The following PGM2 variants were observed in gnomAD, a reference collection of about 807,000 sequenced individuals.
PGM2 encodes the protein phosphoglucomutase 2, also known as phosphopentomutase.
A neutral mutation model predicts 74.6 loss-of-function variants in PGM2; 57 were observed. The observed-to-expected ratio is 0.76, with a 90% CI of 0.62 to 0.95. PGM2 has a LOEUF of 0.95. PGM2 is among the 40% of genes least tolerant of loss of function. The pLI is 0.00. For missense variants in PGM2, 706 were observed against 741.9 expected (o/e 0.95, Z 0.56); for synonymous variants, 273 against 260.7 (o/e 1.05, Z -0.46).
At chr4:37,826,935 C>G (rs961122629) in intron 1 of PGM2, 122 bp downstream of exon 1, 1 of 632,306 alleles carries the variant, frequency 1.6e-6, no homozygotes, top group Non-Finnish European at 2.7e-6. Flanking sequence ...GCTTCTCCCC[C>G]GGGAAGACCC....
intron 10 of PGM2, among the ~76,000 whole-genome samples, chr4:37,847,769 A>G (rs1184243561): frequency 6.6e-6 from 1 of 152,256 alleles, no homozygotes; most frequent in Non-Finnish European, 1.5e-5. Context: ...AGCCAGAATG[A>G]CAGAAAAACC....
intron 2 of PGM2, among the ~76,000 whole-genome samples, chr4:37,833,282 A>C (rs1366034991): frequency 6.6e-6 from 1 of 152,232 alleles, no homozygotes; most frequent in Non-Finnish European, 1.5e-5. Flanking sequence ...TGGCTTGGAC[A>C]TGGTGGCTCA....
chr4:37,851,622 C>T (rs6838455), intron 12 of PGM2, among the ~76,000 whole-genome samples: 80,784 of 151,876 alleles, frequency 0.53, 22,138 homozygotes, highest in Non-Finnish European at 0.61. Flanking sequence ...AAAACGCTTA[C>T]GATGAAACGT....
intron 6 of PGM2, among the ~76,000 whole-genome samples, chr4:37,843,171 A>G (rs1264633718): frequency 6.6e-6 from 1 of 152,148 alleles, no homozygotes. Flanking sequence ...TTCATCTCCC[A>G]TTTCAAATTA....
At chr4:37,839,502 A>T (rs1577675351) in intron 4 of PGM2, 4 of 472,478 alleles carry the variant, frequency 8.5e-6, no homozygotes, top group South Asian at 6.2e-5. Context: ...CTGAATCCAC[A>T]AACTTCTGTC....
chr4:37,829,161 A>G (rs748207887), intron 1 of PGM2, among the ~76,000 whole-genome samples: 51 of 152,006 alleles, frequency 3.4e-4, no homozygotes, highest in Middle Eastern at 3.4e-3. Context: ...TTCTCCAACC[A>G]TAACATTTTC....
intron 3 of PGM2, among the ~76,000 whole-genome samples, chr4:37,835,416 A>G (rs1306082365): frequency 6.6e-6 from 1 of 152,210 alleles, no homozygotes; most frequent in African/African-American, 2.4e-5. Flanking sequence ...CATGAAGCAG[A>G]GAAACATCCA....
At position 37,852,133 on chromosome 4, in the gene PGM2, CTTTTT is replaced by C. The variant is rs778968323; in HGVS notation, c.1602+1782_1602+1786del. Among the ~76,000 whole-genome samples, 283 of 47,270 alleles carry C rather than the reference CTTTTT, an allele frequency of 6.0e-3. 1 individual carries two copies. The highest frequency in any genetic ancestry group is 0.02 in the African/African-American group (247 of 12,402). The allele number at this position is 47,270 out of a possible 152,430, so 31.0% of individuals were successfully genotyped here. ...CAAGGGTATGCCATCATGCCCAGCT[CTTTTT>C]TTTTTTTTTTTTTTTTTTTTTGGAG... On this transcript the variant is annotated intron_variant, in intron 12 of 13. Coordinates refer to ENST00000381967, the MANE Select transcript of PGM2 (RefSeq NM_018290.4).
intron 4 of PGM2, among the ~76,000 whole-genome samples, chr4:37,838,318 T>G (rs942676941): frequency 6.6e-6 from 1 of 152,370 alleles, no homozygotes; most frequent in African/African-American, 2.4e-5. Context: ...CACCCCTGTT[T>G]TATACAAATG....
intron 6 of PGM2, among the ~76,000 whole-genome samples, chr4:37,841,907 A>G (rs1725740672): frequency 6.6e-6 from 1 of 152,204 alleles, no homozygotes. Context: ...TCAAAATTGT[A>G]TGTGCATTCA....
Position 37,857,519 on chromosome 4 carries a change from G to A in PGM2, c.1736+1778G>A, listed in dbSNP as rs1036585237. On this transcript the variant is annotated intron_variant, in intron 13 of 13. Transcript: ENST00000381967. Reference sequence around the variant, plus strand: ...TTAAAACAAAACAAAACTATAAAACGTGGACACAAGGACTTAGAAAGCTCA... The same window carrying A: ...TTAAAACAAAACAAAACTATAAAACATGGACACAAGGACTTAGAAAGCTCA... 3.9e-5 allele frequency among the ~76,000 whole-genome samples: 6 copies of A among 152,234 alleles called. No homozygotes were observed. In the East Asian group the frequency reaches 5.8e-4, roughly 15 times the overall value.
rs1725672092 is a variant in PGM2 at position 37,840,184 on chromosome 4, G to T, written c.644G>T (p.Ser215Ile). 2 of 1,612,732 alleles carry T rather than the reference G, an allele frequency of 1.2e-6. No homozygotes were observed. Among genetic ancestry groups the T allele is most frequent in the African/African-American group, 1.3e-5 (1 of 74,980 alleles). The change falls in exon 6 of 14, where the codon AGT (serine) becomes ATT (isoleucine). Residue 215 changes from serine to isoleucine, a missense_variant. By Grantham distance (142) the Ser-to-Ile change is moderately radical (BLOSUM62 -2). Around this residue, in one of 3 missense-constraint regions of PGM2, gnomAD observed 332 missense variants for 334.9 expected, o/e 0.99. Coordinates refer to ENST00000381967, the MANE Select transcript of PGM2 (RefSeq NM_018290.4). ...QAWDDSLIDS[S>I]PLLHNPSASI... ...TGGGACGATTCTTTAATTGATAGCA[G>T]TCCACTTCTCCACAATCCGAGTGCT...
At chr4:37,850,749 G>C (rs1240967886) in intron 12 of PGM2, among the ~76,000 whole-genome samples, 7 of 152,150 alleles carry the variant, frequency 4.6e-5, no homozygotes, top group African/African-American at 1.7e-4. Context: ...CCAGCACTTT[G>C]GGAGGCCGAG....
chr4:37,839,630 C>T, intron 4 of PGM2: 2 of 663,998 alleles, frequency 3.0e-6, no homozygotes, highest in South Asian at 3.0e-5. Flanking sequence ...AATTACTCAC[C>T]TTTCTTATTA....
intron 12 of PGM2, among the ~76,000 whole-genome samples, chr4:37,853,905 T>C (rs1392337436): frequency 6.6e-6 from 1 of 152,208 alleles, no homozygotes; most frequent in Non-Finnish European, 1.5e-5. Flanking sequence ...TGTGACGGTG[T>C]GGGCTCAGGG....
intron 10 of PGM2, 101 bp from the exon 11 acceptor site, chr4:37,848,421 G>A (rs148872354): frequency 2.1e-5 from 21 of 1,022,770 alleles, no homozygotes; most frequent in East Asian, 1.5e-4. Context: ...GTGCATACAC[G>A]CAACACTGTA....
intron 7 of PGM2, among the ~76,000 whole-genome samples, chr4:37,845,391 G>A (rs746486454): frequency 6.6e-6 from 1 of 152,172 alleles, no homozygotes; most frequent in African/African-American, 2.4e-5. Flanking sequence ...TGGTAGGCTT[G>A]GGTCACACAC....
At chr4:37,834,018 A>T (rs1165675242) in intron 2 of PGM2, among the ~76,000 whole-genome samples, 1 of 152,042 alleles carries the variant, frequency 6.6e-6, no homozygotes, top group East Asian at 1.9e-4. Context: ...TGCCTCTCTG[A>T]GGCTTATTTT....
rs757734777 is a variant in PGM2, at chr4:37,837,550, C to T, written c.378C>T (p.Thr126=). ...SSRRFARLAA[T]TFISQGIPVY... ...TCAGGTTTGCCCGACTTGCTGCAAC[C>T]ACATTTATCAGTCAGGGGATTCCTG... The change falls in exon 4 of 14, where the codon ACC becomes ACT. Residue 126 remains threonine (T), a synonymous_variant. Transcript: ENST00000381967. 1.2e-6 allele frequency: 2 copies of T among 1,613,064 alleles called. No homozygotes were observed. The highest frequency in any genetic ancestry group is 2.2e-5 in the South Asian group (2 of 91,056).
Sources: gnomAD v4.1 joint callset for allele counts (sites outside exome capture counted in the v4.1 genomes callset) on GRCh38, gnomAD v4.1.1 for gene constraint, gnomAD v4.1.1 regional missense constraint, MANE v1.5 for transcripts, NCBI Gene and HGNC (gene_info 2026-07-23, HGNC 2026-07-21) for gene names.